MYO3A: variants seen among roughly 807,000 people sequenced by gnomAD.
The protein encoded by MYO3A is myosin IIIA.
A neutral mutation model predicts 192.7 loss-of-function variants in MYO3A; 180 were observed. That is an observed-to-expected ratio of 0.93 (90% CI 0.83 to 1.06). The LOEUF is 1.06. Ranked by LOEUF, MYO3A falls within the 50% of genes least tolerant of loss-of-function variation. MYO3A has a pLI of 0.00. For missense variants in MYO3A, 1,896 were observed against 1,905.0 expected (o/e 1.00, Z 0.09); for synonymous variants, 628 against 645.3 (o/e 0.97, Z 0.41).
intron 3 of MYO3A, among the ~76,000 whole-genome samples, chr10:25,953,627 A>C (rs748721018): frequency 6.6e-6 from 1 of 152,078 alleles, no homozygotes; most frequent in Non-Finnish European, 1.5e-5. Flanking sequence ...CTGGCCCCAT[A>C]GTGTATCTCT....
intron 4 of MYO3A, among the ~76,000 whole-genome samples, chr10:25,991,082 C>A (rs1430388935): frequency 6.6e-6 from 1 of 152,176 alleles, no homozygotes; most frequent in East Asian, 1.9e-4. Flanking sequence ...CCTGAGGAAT[C>A]ACCACACTAT....
At chr10:26,114,757 T>C (rs1467684357) in intron 17 of MYO3A, among the ~76,000 whole-genome samples, 2 of 152,222 alleles carry the variant, frequency 1.3e-5, no homozygotes, top group East Asian at 3.8e-4. Context: ...TACCAGGCCC[T>C]GTGCTAAAAG....
intron 3 of MYO3A, among the ~76,000 whole-genome samples, chr10:25,953,833 T>C (rs570438756): frequency 1.8e-3 from 278 of 152,246 alleles, no homozygotes; most frequent in African/African-American, 6.5e-3. Context: ...TACATATACA[T>C]TTTTCTAAGA....
At chr10:26,111,549 T>TTC (rs1838180184) in intron 17 of MYO3A, among the ~76,000 whole-genome samples, 1 of 152,132 alleles carries the variant, frequency 6.6e-6, no homozygotes, top group Non-Finnish European at 1.5e-5. Context: ...ACTGCATCAT[T>TTC]TCTCCTCCCT....
At chr10:25,998,942 G>A (rs1006110376) in intron 6 of MYO3A, among the ~76,000 whole-genome samples, 1 of 152,162 alleles carries the variant, frequency 6.6e-6, no homozygotes, top group Non-Finnish European at 1.5e-5. Context: ...CTGTCGCCCA[G>A]GCTGGAGTGC....
chr10:26,178,256 G>A (rs987965549), intron 31 of MYO3A, among the ~76,000 whole-genome samples: 1 of 152,198 alleles, frequency 6.6e-6, no homozygotes, highest in Non-Finnish European at 1.5e-5. Context: ...GGCCGCTGCT[G>A]GAAAGGAGAG....
chr10:26,050,533 T>C (rs1429348523), intron 10 of MYO3A, among the ~76,000 whole-genome samples: 2 of 152,250 alleles, frequency 1.3e-5, no homozygotes, highest in African/African-American at 4.8e-5. Context: ...GCTGTTTTTT[T>C]ACTTGTGTCT....
Position 26,212,234 on chromosome 10 carries a change from C to T in MYO3A, c.*271C>T. ...CTCACCAGCCCGCCAGTTGTGGCAA[C>T]CCTGTCCTTGTTCCCCTAATCTATC... On this transcript the variant is annotated 3_prime_UTR_variant, in exon 35 of 35. Transcript: ENST00000642920. 2 of 507,056 alleles carry T rather than the reference C, an allele frequency of 3.9e-6. No individual in the cohort carries two copies. The highest frequency in any genetic ancestry group is 7.0e-6 in the Non-Finnish European group (2 of 286,974). 31.4% of individuals were successfully genotyped at this position (507,056 alleles called of 1,614,324 possible). A position where few individuals can be genotyped will look rare whatever the true frequency, so the allele number is the denominator to read the frequency against.
rs191957582 is a variant in MYO3A at position 25,995,815 on chromosome 10, G to T, written c.304-675G>T. Among the ~76,000 whole-genome samples the T allele has an allele frequency of 4.5e-3, 682 of 152,354 alleles. 1 individual carries two copies. The highest frequency in any genetic ancestry group is 0.02 in the Middle Eastern group (6 of 294). ...TATCAGCAGCGGAGGCTGCAGAACA[G>T]CGAATATTGCTGAACAGCAAATGTT... is the stretch of plus-strand genomic sequence containing the variant. On this transcript the variant is annotated intron_variant, in intron 4 of 34. Transcript: ENST00000642920.
intron 2 of MYO3A, among the ~76,000 whole-genome samples, chr10:25,948,509 A>T (rs1006052817): frequency 1.3e-5 from 2 of 152,228 alleles, no homozygotes; most frequent in Admixed American, 6.5e-5. Flanking sequence ...ACATGATCAT[A>T]TAACTAAGAA....
In MYO3A at chr10:26,211,856, G is replaced by A; in HGVS notation, c.4744G>A (p.Glu1582Lys). ...TTTCACTTGCAGGTGCTGGGCGGCG[G>A]AGAGCCCCGAGAAGGAGGAGGAGAG... ...IKANERCWAA[E>K]SPEKEEEREP... The change falls in exon 35 of 35, where the codon GAG (glutamate) becomes AAG (lysine). Residue 1582 changes from glutamate to lysine, a missense_variant. Glu to Lys is a moderately conservative substitution (Grantham distance 56). Transcript: ENST00000642920. 1 of 1,614,082 alleles carries A rather than the reference G, an allele frequency of 6.2e-7. No homozygotes were observed. Among genetic ancestry groups the A allele is most frequent in the Non-Finnish European group, 8.5e-7 (1 of 1,180,016 alleles).
intron 34 of MYO3A, among the ~76,000 whole-genome samples, chr10:26,203,841 A>G (rs1181685704): frequency 6.6e-6 from 1 of 152,200 alleles, no homozygotes; most frequent in Non-Finnish European, 1.5e-5. Flanking sequence ...GGTGGTTAAG[A>G]AAAGAAGTTT....
At chr10:26,037,289 A>C (rs1029260284) in intron 10 of MYO3A, among the ~76,000 whole-genome samples, 3 of 152,234 alleles carry the variant, frequency 2.0e-5, no homozygotes, top group African/African-American at 7.2e-5. Context: ...GTAAGTGCTC[A>C]ATAAATTTAT....
intron 17 of MYO3A, among the ~76,000 whole-genome samples, chr10:26,102,896 C>T (rs1164718198): frequency 1.3e-5 from 2 of 152,188 alleles, no homozygotes; most frequent in Non-Finnish European, 2.9e-5. Context: ...TCTCAAACTC[C>T]GTGCTGGGAG....
chr10:26,157,848 G>T (rs556611641), intron 26 of MYO3A, among the ~76,000 whole-genome samples: 1 of 152,226 alleles, frequency 6.6e-6, no homozygotes, highest in Admixed American at 6.5e-5. Context: ...GAGAGATTTT[G>T]CCCCTCAAAA....
intron 26 of MYO3A, among the ~76,000 whole-genome samples, chr10:26,162,146 A>G (rs530152275): frequency 1.4e-4 from 22 of 152,334 alleles, no homozygotes; most frequent in Admixed American, 1.4e-3. Context: ...TGAGGCACCT[A>G]GAAGGGTTCC....
chr10:26,143,038 G>A (rs1840255138), intron 20 of MYO3A, among the ~76,000 whole-genome samples: 1 of 152,128 alleles, frequency 6.6e-6, no homozygotes, highest in South Asian at 2.1e-4. Context: ...CTCAGTTTAA[G>A]AGCAAGGTCA....
At chr10:26,178,901 T>A (rs1424947417) in intron 31 of MYO3A, among the ~76,000 whole-genome samples, 11 of 151,070 alleles carry the variant, frequency 7.3e-5, no homozygotes, top group Non-Finnish European at 1.0e-4. Context: ...TCCCAGGTTC[T>A]CACCATTCTC....
At chr10:26,016,308 A>T (rs1180788489) in intron 6 of MYO3A, among the ~76,000 whole-genome samples, 2 of 152,230 alleles carry the variant, frequency 1.3e-5, no homozygotes, top group Non-Finnish European at 2.9e-5. Context: ...TTCCAGTCAG[A>T]TAAGGTGTGA....
Sources: allele counts gnomAD v4.1 joint callset (sites outside exome capture counted in the v4.1 genomes callset), GRCh38; gene constraint gnomAD v4.1.1; transcripts MANE v1.5; gene names NCBI Gene and HGNC (gene_info 2026-07-23, HGNC 2026-07-21).